Variants in CENPW observed in about 807,000 individuals in gnomAD.
The protein encoded by CENPW is cancer-up-regulated gene 2 protein.
A neutral mutation model predicts 11.1 loss-of-function variants in CENPW; 3 were observed. The observed-to-expected ratio is 0.27, with a 90% CI of 0.12 to 0.70. The LOEUF is 0.70. CENPW is among the 30% of genes least tolerant of loss of function. The pLI is 0.77. For missense variants in CENPW, 100 were observed against 105.6 expected (o/e 0.95, Z 0.23); for synonymous variants, 38 against 42.0 (o/e 0.91, Z 0.37).
At chr6:126,482,784 G>T in the CENPW span, among the ~76,000 whole-genome samples, 1 of 151,840 alleles carries the variant, frequency 6.6e-6, no homozygotes, top group East Asian at 1.9e-4. Context: ...GGTAGTATAA[G>T]TTTTCCTGTT....
At chr6:126,402,805 G>A in the CENPW span, among the ~76,000 whole-genome samples, 1 of 151,884 alleles carries the variant, frequency 6.6e-6, no homozygotes, top group Non-Finnish European at 1.5e-5. Flanking sequence ...TATTAATAAT[G>A]CTGCTATGAA....
the CENPW span, among the ~76,000 whole-genome samples, chr6:126,393,128 C>T: frequency 6.6e-6 from 1 of 151,862 alleles, no homozygotes; most frequent in Non-Finnish European, 1.5e-5. Flanking sequence ...TCTGTAGTAT[C>T]AGAAGTAATG....
the CENPW span, among the ~76,000 whole-genome samples, chr6:126,406,677 C>A: frequency 6.6e-6 from 1 of 151,924 alleles, no homozygotes; most frequent in East Asian, 1.9e-4. Flanking sequence ...TATGGTGAAA[C>A]CCCGTCTCTA....
chr6:126,455,081 G>C, the CENPW span, among the ~76,000 whole-genome samples: 2 of 151,040 alleles, frequency 1.3e-5, no homozygotes, highest in Non-Finnish European at 3.0e-5. Flanking sequence ...TCGTTAGAAA[G>C]TCTACCAACC....
the CENPW span, among the ~76,000 whole-genome samples, chr6:126,470,162 G>A: frequency 4.9e-4 from 74 of 152,332 alleles, no homozygotes; most frequent in African/African-American, 1.6e-3. Context: ...CCCATCACAG[G>A]CCTGGAGGCC....
chr6:126,410,677 T>C, the CENPW span, among the ~76,000 whole-genome samples: 3 of 151,888 alleles, frequency 2.0e-5, no homozygotes, highest in African/African-American at 4.8e-5. Flanking sequence ...TCTTGTTGGC[T>C]TACCTTACTC....
At chr6:126,449,940 T>C in the CENPW span, among the ~76,000 whole-genome samples, 1 of 151,088 alleles carries the variant, frequency 6.6e-6, no homozygotes, top group African/African-American at 2.4e-5. Flanking sequence ...ATGTTTCAAC[T>C]TAATAGCTTT....
chr6:126,444,332 TG>T, the CENPW span, among the ~76,000 whole-genome samples: 1 of 151,158 alleles, frequency 6.6e-6, no homozygotes, highest in Admixed American at 6.6e-5. Flanking sequence ...TGTTTGATTT[TG>T]CTTGCCTTTT....
the CENPW span, among the ~76,000 whole-genome samples, chr6:126,354,707 TA>T: frequency 1.2e-4 from 18 of 152,248 alleles, no homozygotes; most frequent in Admixed American, 2.6e-4. Context: ...CTCACCTCTT[TA>T]AGAGTCTCCT....
At chr6:126,360,586 A>G in the CENPW span, among the ~76,000 whole-genome samples, 2 of 152,150 alleles carry the variant, frequency 1.3e-5, no homozygotes, top group African/African-American at 2.4e-5. Flanking sequence ...GTATCTTTAC[A>G]TAATCCCATA....
the CENPW span, among the ~76,000 whole-genome samples, chr6:126,368,301 T>C: frequency 5.8e-4 from 88 of 152,186 alleles, no homozygotes; most frequent in Admixed American, 5.6e-3. Flanking sequence ...ATTAGCTGCA[T>C]TGGAGTCTGG....
At chr6:126,425,943 G>A in the CENPW span, among the ~76,000 whole-genome samples, 1 of 151,854 alleles carries the variant, frequency 6.6e-6, no homozygotes, top group Admixed American at 6.6e-5. Context: ...TAAATACCCA[G>A]GAAATTACCT....
At chr6:126,460,670 G>C in the CENPW span, among the ~76,000 whole-genome samples, 1 of 151,732 alleles carries the variant, frequency 6.6e-6, no homozygotes, top group East Asian at 1.9e-4. Flanking sequence ...ATTTTATTCA[G>C]AGCTATTGCA....
the CENPW span, among the ~76,000 whole-genome samples, chr6:126,423,194 A>G: frequency 6.6e-6 from 1 of 152,068 alleles, no homozygotes; most frequent in Non-Finnish European, 1.5e-5. Flanking sequence ...TACATCTTTA[A>G]TTACAGAAAG....
downstream of CENPW, among the ~76,000 whole-genome samples, chr6:126,351,169 T>C (rs1780487160): frequency 6.6e-6 from 1 of 151,330 alleles, no homozygotes; most frequent in African/African-American, 2.4e-5. Context: ...TGTGTGTGTG[T>C]GTGTAAGTGG....
the CENPW span, among the ~76,000 whole-genome samples, chr6:126,437,566 G>A: frequency 3.3e-5 from 5 of 151,870 alleles, no homozygotes; most frequent in Admixed American, 3.3e-4. Flanking sequence ...ACCCAGTTTT[G>A]TCTACAAATG....
the CENPW span, among the ~76,000 whole-genome samples, chr6:126,453,896 G>A: frequency 7.8e-3 from 1,182 of 151,150 alleles, 14 homozygotes; most frequent in African/African-American, 0.027. Flanking sequence ...AAAAAAGCAA[G>A]GGTTGTAAGT....
the CENPW span, among the ~76,000 whole-genome samples, chr6:126,443,153 G>C: frequency 6.6e-6 from 1 of 151,008 alleles, no homozygotes. Context: ...TTTCTCAATT[G>C]CTTCATAAAT....
chr6:126,455,667 G>A, the CENPW span, among the ~76,000 whole-genome samples: 1 of 151,358 alleles, frequency 6.6e-6, no homozygotes, highest in Non-Finnish European at 1.5e-5. Flanking sequence ...CACAAGATAA[G>A]GATGCCCACT....
Sources: allele counts gnomAD v4.1 joint callset (sites outside exome capture counted in the v4.1 genomes callset), GRCh38; gene constraint gnomAD v4.1.1; transcripts MANE v1.5; gene names NCBI Gene and HGNC (gene_info 2026-07-23, HGNC 2026-07-21).